MAF: variants seen among roughly 807,000 people sequenced by gnomAD.
MAF encodes transcription factor Maf.
In MAF, 10 loss-of-function variants were observed where a neutral mutation model predicts 22.0. The observed-to-expected ratio is 0.45, with a 90% CI of 0.28 to 0.77. The LOEUF is 0.77. Among genes scored for constraint, MAF ranks in the 30% least tolerant of loss-of-function variants. The probability of loss-of-function intolerance (pLI) is 0.12; values close to 1 mark genes in which losing one functional copy is unlikely to be tolerated. For missense variants in MAF, 544 were observed against 548.4 expected, an observed-to-expected ratio of 0.99 and a Z score of 0.08; for synonymous variants, 337 against 255.8, an observed-to-expected ratio of 1.32 and a Z score of -3.03.
chr16:79,445,280 T>A, the MAF span, among the ~76,000 whole-genome samples: 3 of 152,024 alleles, frequency 2.0e-5, no homozygotes, highest in African/African-American at 7.2e-5. Context: ...CCTGACCTCG[T>A]GATCTGCCCG....
the MAF span, among the ~76,000 whole-genome samples, chr16:79,280,357 G>T: frequency 2.0e-5 from 3 of 152,194 alleles, no homozygotes; most frequent in Non-Finnish European, 2.9e-5. Context: ...TTTGAAAAGG[G>T]CAAATCCAAC....
the MAF span, among the ~76,000 whole-genome samples, chr16:79,394,952 G>C: frequency 1.3e-5 from 2 of 152,196 alleles, no homozygotes; most frequent in East Asian, 3.8e-4. Context: ...CTCCAGGCCA[G>C]CTCTATAGCA....
At chr16:79,382,248 G>C in the MAF span, among the ~76,000 whole-genome samples, 3 of 152,336 alleles carry the variant, frequency 2.0e-5, no homozygotes, top group East Asian at 3.9e-4. Context: ...TGGTAAATGA[G>C]TGTCTAATCC....
the MAF span, among the ~76,000 whole-genome samples, chr16:79,516,480 A>G: frequency 4.6e-5 from 7 of 152,206 alleles, no homozygotes; most frequent in Non-Finnish European, 1.5e-5. Context: ...AGAGAGGATG[A>G]ATGAGGCTCA....
the MAF span, among the ~76,000 whole-genome samples, chr16:79,440,253 A>G: frequency 4.0e-3 from 602 of 152,288 alleles, 5 homozygotes; most frequent in African/African-American, 0.014. Flanking sequence ...GCCCCAGCAC[A>G]TGCTGCCTTG....
chr16:79,372,470 T>G, the MAF span, among the ~76,000 whole-genome samples: 1 of 152,182 alleles, frequency 6.6e-6, no homozygotes, highest in African/African-American at 2.4e-5. Context: ...AAAAGCATGT[T>G]AAAATATTAA....
At chr16:79,277,133 G>T in the MAF span, among the ~76,000 whole-genome samples, 1 of 152,126 alleles carries the variant, frequency 6.6e-6, no homozygotes, top group Non-Finnish European at 1.5e-5. Flanking sequence ...AAACTACTGG[G>T]TTCAAGCGAT....
the MAF span, among the ~76,000 whole-genome samples, chr16:79,513,523 A>T: frequency 1.3e-5 from 2 of 152,204 alleles, no homozygotes; most frequent in Admixed American, 1.3e-4. Context: ...GAAGGCAAAT[A>T]CATGGGAGGG....
chr16:79,501,204 T>A, the MAF span, among the ~76,000 whole-genome samples: 1 of 152,174 alleles, frequency 6.6e-6, no homozygotes, highest in African/African-American at 2.4e-5. Context: ...GCTCTTTGGG[T>A]TCTGTCTACA....
chr16:79,431,076 A>G, the MAF span, among the ~76,000 whole-genome samples: 1 of 152,124 alleles, frequency 6.6e-6, no homozygotes, highest in Non-Finnish European at 1.5e-5. Context: ...TCTTTGAATC[A>G]GAACAGGGCA....
the MAF span, among the ~76,000 whole-genome samples, chr16:79,512,797 G>A: frequency 6.6e-6 from 1 of 152,226 alleles, no homozygotes; most frequent in Non-Finnish European, 1.5e-5. Flanking sequence ...TCTTCCAAGG[G>A]TTAAGGATGG....
At chr16:79,207,722 C>T in the MAF span, among the ~76,000 whole-genome samples, 4 of 152,094 alleles carry the variant, frequency 2.6e-5, no homozygotes, top group South Asian at 8.3e-4. Flanking sequence ...CACGGTGTAA[C>T]ATGTGTCCCT....
At chr16:79,410,514 G>T in the MAF span, among the ~76,000 whole-genome samples, 1 of 152,174 alleles carries the variant, frequency 6.6e-6, no homozygotes, top group Non-Finnish European at 1.5e-5. Flanking sequence ...TGTACCTTCA[G>T]TATGAATCGT....
chr16:79,271,083 A>T, the MAF span, among the ~76,000 whole-genome samples: 79,907 of 145,516 alleles, frequency 0.55, 23,034 homozygotes, highest in East Asian at 0.69. Context: ...ATTTTTTTTT[A>T]TTTTTTATTT....
chr16:79,339,772 C>G, the MAF span, among the ~76,000 whole-genome samples: 2 of 152,240 alleles, frequency 1.3e-5, no homozygotes, highest in Admixed American at 1.3e-4. Context: ...AGTACAATTT[C>G]AAGATGATTA....
the MAF span, among the ~76,000 whole-genome samples, chr16:79,403,603 G>A: frequency 6.6e-6 from 1 of 152,038 alleles, no homozygotes; most frequent in African/African-American, 2.4e-5. Context: ...CTCTGCCAGG[G>A]GCCTTGCCTG....
At chr16:79,365,981 T>C in the MAF span, among the ~76,000 whole-genome samples, 7 of 152,234 alleles carry the variant, frequency 4.6e-5, no homozygotes, top group Admixed American at 1.3e-4. Context: ...CAAGTCAACA[T>C]CTAAATGACA....
the MAF span, among the ~76,000 whole-genome samples, chr16:79,522,072 C>A: frequency 6.6e-6 from 1 of 152,248 alleles, no homozygotes; most frequent in East Asian, 1.9e-4. Flanking sequence ...GGCGGAGAAT[C>A]TGAGGTGTGT....
chr16:79,392,462 G>C, the MAF span, among the ~76,000 whole-genome samples: 6 of 149,220 alleles, frequency 4.0e-5, no homozygotes, highest in Admixed American at 1.3e-4. Flanking sequence ...GAAGGGAAGG[G>C]AGTGATGAGA....
Sources: gnomAD v4.1 joint callset for allele counts (sites outside exome capture counted in the v4.1 genomes callset) on GRCh38, gnomAD v4.1.1 for gene constraint, MANE v1.5 for transcripts, NCBI Gene and HGNC (gene_info 2026-07-23, HGNC 2026-07-21) for gene names.